PPP2R2C: variants seen among roughly 807,000 people sequenced by gnomAD.
PPP2R2C encodes the protein protein phosphatase 2, regulatory subunit B, gamma.
A neutral mutation model predicts 45.3 loss-of-function variants in PPP2R2C; 10 were observed. The ratio of observed to expected loss-of-function variants is 0.22; its 90% CI spans 0.14 to 0.37. The LOEUF (loss-of-function observed/expected upper bound fraction) is 0.37. Ranked by LOEUF, PPP2R2C falls within the 10% of genes least tolerant of loss-of-function variation. The pLI is 1.00. For missense variants in PPP2R2C, 308 were observed against 619.7 expected (o/e 0.50, Z 5.34); for synonymous variants, 257 against 245.4 (o/e 1.05, Z -0.44).
intron 1 of PPP2R2C, among the ~76,000 whole-genome samples, chr4:6,538,353 C>G (rs556290361): frequency 6.6e-6 from 1 of 152,046 alleles, no homozygotes. Context: ...GAGAGGTGCC[C>G]GCCGCCCATC....
At chr4:6,540,474 A>G (rs1724773083) in intron 1 of PPP2R2C, among the ~76,000 whole-genome samples, 1 of 152,258 alleles carries the variant, frequency 6.6e-6, no homozygotes, top group South Asian at 2.1e-4. Context: ...CCCATTCATC[A>G]GTTGATGGAC....
At chr4:6,545,921 A>C (rs918660524) in intron 1 of PPP2R2C, among the ~76,000 whole-genome samples, 2 of 151,616 alleles carry the variant, frequency 1.3e-5, no homozygotes, top group African/African-American at 4.8e-5. Context: ...AGAGGTAGAA[A>C]GCTATGGAAG....
At chr4:6,431,183 G>T (rs1719596443) in intron 1 of PPP2R2C, among the ~76,000 whole-genome samples, 1 of 152,216 alleles carries the variant, frequency 6.6e-6, no homozygotes, top group Admixed American at 6.5e-5. Flanking sequence ...GGGTGTGCAG[G>T]TCCGTGTTTC....
intron 3 of PPP2R2C, among the ~76,000 whole-genome samples, chr4:6,377,472 A>G (rs1248770188): frequency 6.6e-6 from 1 of 152,032 alleles, no homozygotes; most frequent in African/African-American, 2.4e-5. Flanking sequence ...CCTGGCCAAC[A>G]TGTAGTGAAA....
rs186576455 is a variant in PPP2R2C at position 6,461,657 on chromosome 4, A to C, written c.70+10503T>G. On this transcript the variant is annotated intron_variant, in intron 1 of 8. Transcript: ENST00000382599. ...GATCATCCACAATGAACTGTTACAA[A>C]GGGATAAACTTCTATGACATCAAGC... 4.8e-3 allele frequency among the ~76,000 whole-genome samples: 725 copies of C among 151,326 alleles called. 3 individuals carry two copies. The highest frequency in any genetic ancestry group is 7.1e-3 in the Non-Finnish European group (482 of 67,672).
chr4:6,380,597 G>T (rs2109312315), intron 2 of PPP2R2C, among the ~76,000 whole-genome samples: 1 of 152,290 alleles, frequency 6.6e-6, no homozygotes, highest in South Asian at 2.1e-4. Flanking sequence ...GGCAGCAGCT[G>T]CCTGTGCCAC....
rs112600165 is a variant in PPP2R2C, at chr4:6,331,099, T to C, written c.961-1746A>G. On this transcript the variant is annotated intron_variant, in intron 7 of 8. Coordinates refer to ENST00000382599, the MANE Select transcript of PPP2R2C (RefSeq NM_020416.4). The surrounding 1 kb of genome is among the most constrained non-coding windows in gnomAD (Gnocchi z 5.9). The stretch of plus-strand genomic sequence containing the variant: ...GGGGATGAATGGCAGCAGGTTTTAG[T>C]GTTCGTGTCCCACCCCCGGCTCTGC... Among the ~76,000 whole-genome samples the C allele has an allele frequency of 1.9e-4, 29 of 152,270 alleles. No homozygotes were observed. Among genetic ancestry groups the C allele is most frequent in the African/African-American group, 6.7e-4 (28 of 41,558 alleles).
intron 2 of PPP2R2C, among the ~76,000 whole-genome samples, chr4:6,511,675 A>G (rs867505702): frequency 8.5e-4 from 3 of 3,532 alleles, no homozygotes; most frequent in African/African-American, 2.7e-3. Flanking sequence ...GATGGTGGTG[A>G]TGGTGGTGGA....
Position 6,363,534 on chromosome 4 carries a change from G to A in PPP2R2C, c.625+8989C>T, listed in dbSNP as rs1364185684. ...GCAGAGATTGCAGTGAGCCGAGATT[G>A]AGCCACTGCACTTCAGCCTGGGCGA... is the stretch of plus-strand genomic sequence containing the variant. On this transcript the variant is annotated intron_variant, in intron 5 of 8. Transcript: ENST00000382599. Among the ~76,000 whole-genome samples the A allele has an allele frequency of 3.9e-5, 6 of 151,954 alleles. No homozygotes were observed. The East Asian group carries it at 1.2e-3, about 30-fold the overall frequency.
intron 1 of PPP2R2C, among the ~76,000 whole-genome samples, chr4:6,443,783 C>G (rs987378499): frequency 1.3e-5 from 2 of 152,162 alleles, no homozygotes; most frequent in East Asian, 1.9e-4. Flanking sequence ...CACCGCCCCC[C>G]CGGAGTCCTT....
At chr4:6,359,153 T>C (rs891631465) in intron 5 of PPP2R2C, among the ~76,000 whole-genome samples, 1 of 152,226 alleles carries the variant, frequency 6.6e-6, no homozygotes, top group Non-Finnish European at 1.5e-5. Context: ...CACCATTGAA[T>C]ACTATGCAGC....
At chr4:6,552,096 C>G (rs1233245766) in intron 1 of PPP2R2C, among the ~76,000 whole-genome samples, 1 of 152,236 alleles carries the variant, frequency 6.6e-6, no homozygotes, top group African/African-American at 2.4e-5. Context: ...TACAGGTCCA[C>G]TTTTGCCACA....
upstream of PPP2R2C, among the ~76,000 whole-genome samples, chr4:6,476,881 CTGT>C (rs1316713602): frequency 2.0e-5 from 3 of 152,180 alleles, no homozygotes; most frequent in Non-Finnish European, 4.4e-5. Context: ...GCTGACCCCA[CTGT>C]TGTTGGGCAC....
rs1221196601 is a variant in PPP2R2C at position 6,511,246 on chromosome 4, ATG to A, written c.49+24023_49+24024del. On this transcript the variant is annotated intron_variant, in intron 2 of 9. Transcript: ENST00000506140. ...GTACATGTTAGTCGTTCCGCTGGTG[ATG>A]CTGATGCTGATGCTGATGCTGATGC... 1.0e-3 allele frequency among the ~76,000 whole-genome samples: 4 copies of A among 3,830 alleles called. No homozygotes were observed. The East Asian group carries it at 0.5, about 479-fold the overall frequency. The allele number at this position is 3,830 out of a possible 152,430, so 2.5% of individuals were successfully genotyped here.
chr4:6,371,491 G>T (rs1714826151), intron 5 of PPP2R2C, among the ~76,000 whole-genome samples: 1 of 152,192 alleles, frequency 6.6e-6, no homozygotes, highest in South Asian at 2.1e-4. Flanking sequence ...GAGTCGGGAG[G>T]CCATCCAGTT....
chr4:6,524,372 C>T (rs1284377527), intron 2 of PPP2R2C, among the ~76,000 whole-genome samples: 3 of 152,228 alleles, frequency 2.0e-5, no homozygotes, highest in African/African-American at 7.2e-5. Context: ...AAAGTGGACT[C>T]ATGGTTGCCA....
intron 2 of PPP2R2C, among the ~76,000 whole-genome samples, chr4:6,494,804 C>T (rs1342066313): frequency 1.3e-5 from 2 of 152,222 alleles, no homozygotes; most frequent in East Asian, 1.9e-4. Flanking sequence ...GGGGCCAACG[C>T]TCATGCAACT....
At chr4:6,551,245 T>A (rs1039867900) in intron 1 of PPP2R2C, among the ~76,000 whole-genome samples, 1 of 152,208 alleles carries the variant, frequency 6.6e-6, no homozygotes, top group Admixed American at 6.5e-5. Context: ...CCCTGGCAAG[T>A]CACGAGTGCT....
intron 8 of PPP2R2C, among the ~76,000 whole-genome samples, chr4:6,325,362 G>C (rs2109149208): frequency 6.6e-6 from 1 of 152,272 alleles, no homozygotes. Context: ...GTGACTCAGA[G>C]CCTGGGACAA....
Sources: allele counts gnomAD v4.1 joint callset (sites outside exome capture counted in the v4.1 genomes callset), GRCh38; gene constraint gnomAD v4.1.1; non-coding constraint Gnocchi (gnomAD v3.1); transcripts MANE v1.5; gene names NCBI Gene and HGNC (gene_info 2026-07-23, HGNC 2026-07-21).